The following INPP4B variants were observed in gnomAD, a reference collection of about 807,000 sequenced individuals.
INPP4B encodes inositol polyphosphate 4-phosphatase type II.
Under a neutral mutation model 122.5 loss-of-function variants are expected in INPP4B, and 55 were observed. The ratio of observed to expected loss-of-function variants is 0.45; its 90% CI spans 0.36 to 0.56. The LOEUF (loss-of-function observed/expected upper bound fraction) is 0.56. INPP4B is among the 20% of genes least tolerant of loss of function. INPP4B has a pLI of 0.00. For synonymous variants in INPP4B, 403 were observed against 388.7 expected (o/e 1.04, Z -0.43); for missense variants, 1,000 against 1,097.7 (o/e 0.91, Z 1.26).
chr4:142,839,823 T>TA (rs144216991), intron 1 of INPP4B, among the ~76,000 whole-genome samples: 2,555 of 152,278 alleles, frequency 0.017, 69 homozygotes, highest in African/African-American at 0.058. Flanking sequence ...AAAAACCTTT[T>TA]AAAAAAGGAA....
At chr4:142,639,312 G>C (rs558608905) in intron 2 of INPP4B, among the ~76,000 whole-genome samples, 2 of 152,270 alleles carry the variant, frequency 1.3e-5, no homozygotes, top group African/African-American at 4.8e-5. Context: ...TCTACCATCT[G>C]AATGTGATTG....
At chr4:142,098,372 A>C (rs1029369277) in intron 23 of INPP4B, among the ~76,000 whole-genome samples, 16 of 152,126 alleles carry the variant, frequency 1.1e-4, no homozygotes, top group Non-Finnish European at 1.9e-4. Context: ...CAAAAAAAAA[A>C]CTAACAACAT....
intron 9 of INPP4B, among the ~76,000 whole-genome samples, chr4:142,290,547 A>T (rs886169750): frequency 6.6e-6 from 1 of 151,298 alleles, no homozygotes; most frequent in East Asian, 1.9e-4. Context: ...TGCTCACTCA[A>T]CTCTTGCCTC....
intron 2 of INPP4B, among the ~76,000 whole-genome samples, chr4:142,644,232 G>A (rs1264696105): frequency 6.8e-6 from 1 of 146,498 alleles, no homozygotes; most frequent in African/African-American, 2.5e-5. Context: ...AAATAAGAAG[G>A]AGAAGGAGGA....
chr4:142,760,826 T>C (rs1436648323), intron 1 of INPP4B, among the ~76,000 whole-genome samples: 1 of 152,182 alleles, frequency 6.6e-6, no homozygotes, highest in Non-Finnish European at 1.5e-5. Context: ...TATTTCTCTC[T>C]ACTCTCAACC....
chr4:142,796,892 GTGTGTGTGTGTGTGTGTGTGTGTC>G (rs1460270352), intron 1 of INPP4B, among the ~76,000 whole-genome samples: 44 of 150,228 alleles, frequency 2.9e-4, no homozygotes, highest in Non-Finnish European at 4.9e-4. Context: ...GTGTGTGTGT[GTGTGTGTGTGTGTGTGTGTGTGTC>G]TGTGTGTAAT....
intron 3 of INPP4B, among the ~76,000 whole-genome samples, chr4:142,452,568 T>G (rs929496472): frequency 6.6e-6 from 1 of 152,270 alleles, no homozygotes; most frequent in Non-Finnish European, 1.5e-5. Context: ...CTGGTAGTCA[T>G]CTCCTTTAAG....
At chr4:142,540,217 T>C (rs966214117) in intron 2 of INPP4B, among the ~76,000 whole-genome samples, 2 of 152,104 alleles carry the variant, frequency 1.3e-5, no homozygotes, top group Non-Finnish European at 2.9e-5. Context: ...AGTGGAGACC[T>C]TGAATAATAA....
chr4:142,637,002 T>A (rs1749300225), intron 2 of INPP4B, among the ~76,000 whole-genome samples: 1 of 152,138 alleles, frequency 6.6e-6, no homozygotes, highest in African/African-American at 2.4e-5. Flanking sequence ...GCTAAATGGG[T>A]CATACTCTTA....
intron 18 of INPP4B, among the ~76,000 whole-genome samples, chr4:142,131,982 A>G (rs1054649321): frequency 6.6e-6 from 1 of 151,840 alleles, no homozygotes; most frequent in Non-Finnish European, 1.5e-5. Flanking sequence ...AAAATATTAC[A>G]TGCCCTAAAG....
intron 2 of INPP4B, among the ~76,000 whole-genome samples, chr4:142,534,410 T>C (rs1168260387): frequency 2.0e-5 from 3 of 152,076 alleles, no homozygotes; most frequent in Admixed American, 2.0e-4. Context: ...ATCAAGGGGC[T>C]CAAGGTTGGA....
chr4:142,658,574 A>G (rs1446784901), intron 2 of INPP4B, among the ~76,000 whole-genome samples: 1 of 152,228 alleles, frequency 6.6e-6, no homozygotes, highest in African/African-American at 2.4e-5. Flanking sequence ...GAATTTTGAA[A>G]CTATCTGTGA....
At chr4:142,630,280 T>G (rs1747649290) in intron 2 of INPP4B, among the ~76,000 whole-genome samples, 1 of 152,142 alleles carries the variant, frequency 6.6e-6, no homozygotes, top group Non-Finnish European at 1.5e-5. Flanking sequence ...AAGGCAATGC[T>G]TTCATACCCA....
chr4:142,654,324 T>G (rs1379250433), intron 2 of INPP4B, among the ~76,000 whole-genome samples: 2 of 129,814 alleles, frequency 1.5e-5, no homozygotes, highest in Non-Finnish European at 3.1e-5. Flanking sequence ...TACCTATGTA[T>G]GAAAACTGCA....
At chr4:142,772,300 A>T (rs1376853342) in intron 1 of INPP4B, among the ~76,000 whole-genome samples, 6 of 152,160 alleles carry the variant, frequency 3.9e-5, no homozygotes, top group Non-Finnish European at 8.8e-5. Context: ...AGGAGCTTAC[A>T]GCAGAGTGTG....
At chr4:142,748,814 A>G (rs1769186852) in intron 1 of INPP4B, among the ~76,000 whole-genome samples, 1 of 152,060 alleles carries the variant, frequency 6.6e-6, no homozygotes, top group East Asian at 1.9e-4. Flanking sequence ...AATTGGAAGC[A>G]CAAAACAACA....
At chr4:142,145,782 C>T in intron 18 of INPP4B, 58 bp downstream of exon 18, 9 of 1,501,318 alleles carry the variant, frequency 6.0e-6, no homozygotes, top group Admixed American at 5.7e-5. Context: ...ATTTTTTTTT[C>T]ACGAGTTTCT....
At position 142,739,451 on chromosome 4, in the gene INPP4B, A is replaced by G. The variant is rs112747431; in HGVS notation, c.-253-13550T>C. ...ATGGGCATTAGATGGTAATGAGTCAATTTTAACTGTGTGACGTGTGATAAC... is the reference window on the plus strand; with the variant it reads ...ATGGGCATTAGATGGTAATGAGTCAGTTTTAACTGTGTGACGTGTGATAAC... On this transcript the variant is annotated intron_variant, in intron 1 of 25. Transcript: ENST00000262992. 3.1e-3 allele frequency among the ~76,000 whole-genome samples: 473 copies of G among 152,208 alleles called. 6 individuals carry two copies. Among genetic ancestry groups the G allele is most frequent in the African/African-American group, 0.011 (461 of 41,556 alleles).
At chr4:142,532,953 G>A (rs902666072) in intron 2 of INPP4B, among the ~76,000 whole-genome samples, 2 of 152,038 alleles carry the variant, frequency 1.3e-5, no homozygotes, top group African/African-American at 4.8e-5. Flanking sequence ...AAATCACAAC[G>A]CCAAGAATTA....
Sources: allele counts gnomAD v4.1 joint callset (sites outside exome capture counted in the v4.1 genomes callset), GRCh38; gene constraint gnomAD v4.1.1; transcripts MANE v1.5; gene names NCBI Gene and HGNC (gene_info 2026-07-23, HGNC 2026-07-21).